Variants in PLA2R1 observed in about 807,000 individuals in gnomAD.
PLA2R1 encodes secretory phospholipase A2 receptor.
Under a neutral mutation model 195.9 loss-of-function variants are expected in PLA2R1, and 158 were observed. The ratio of observed to expected loss-of-function variants is 0.81; its 90% CI spans 0.71 to 0.92. The LOEUF is 0.92. Ranked by LOEUF, PLA2R1 falls within the 40% of genes least tolerant of loss-of-function variation. The pLI, the probability that PLA2R1 is intolerant of heterozygous loss-of-function variation, is 0.00. For missense variants in PLA2R1, 1,626 were observed against 1,764.6 expected, an observed-to-expected ratio of 0.92 and a Z score of 1.41; for synonymous variants, 586 against 598.2, an observed-to-expected ratio of 0.98 and a Z score of 0.30.
At chr2:159,995,989 C>T (rs1226410933) in intron 11 of PLA2R1, among the ~76,000 whole-genome samples, 1 of 152,048 alleles carries the variant, frequency 6.6e-6, no homozygotes, top group African/African-American at 2.4e-5. Flanking sequence ...AATCTATCAT[C>T]TATCTGTCAT....
intron 11 of PLA2R1, among the ~76,000 whole-genome samples, chr2:159,996,855 T>C (rs1691248029): frequency 6.6e-6 from 1 of 152,168 alleles, no homozygotes; most frequent in African/African-American, 2.4e-5. Flanking sequence ...TTATGGTGTT[T>C]TTGATCTGTA....
At chr2:160,007,483 A>G (rs1692074855) in intron 10 of PLA2R1, among the ~76,000 whole-genome samples, 1 of 152,238 alleles carries the variant, frequency 6.6e-6, no homozygotes, top group South Asian at 2.1e-4. Context: ...AAGACAGACA[A>G]GCGGCTGGAC....
intron 10 of PLA2R1, among the ~76,000 whole-genome samples, chr2:160,007,382 T>C (rs1692066782): frequency 6.6e-6 from 1 of 152,098 alleles, no homozygotes; most frequent in Admixed American, 6.5e-5. Flanking sequence ...AGCATTTCTG[T>C]TTTCATGCCC....
chr2:159,925,500 A>C, the PLA2R1 span, among the ~76,000 whole-genome samples: 2 of 151,910 alleles, frequency 1.3e-5, no homozygotes, highest in African/African-American at 2.4e-5. Flanking sequence ...TGTTCCCTTG[A>C]ACATTTTTGT....
intron 10 of PLA2R1, among the ~76,000 whole-genome samples, chr2:160,010,148 A>C (rs1692268390): frequency 6.6e-6 from 1 of 152,164 alleles, no homozygotes; most frequent in African/African-American, 2.4e-5. Context: ...GGAGAAAATG[A>C]GATATTGCAG....
At chr2:160,013,230 C>T (rs759149907) in intron 10 of PLA2R1, 33 bp downstream of exon 10, 16 of 1,041,276 alleles carry the variant, frequency 1.5e-5, no homozygotes, top group Middle Eastern at 2.0e-4. Context: ...ATGTGAAAGC[C>T]GTCTTGTTTC....
chr2:159,963,915 GACTT>G (rs1171909221), intron 20 of PLA2R1, among the ~76,000 whole-genome samples: 1 of 152,054 alleles, frequency 6.6e-6, no homozygotes, highest in Non-Finnish European at 1.5e-5. Flanking sequence ...CTCAAACAGA[GACTT>G]ACACACCAAT....
chr2:159,994,607 G>A (rs1311848699), intron 11 of PLA2R1, among the ~76,000 whole-genome samples: 1 of 152,002 alleles, frequency 6.6e-6, no homozygotes, highest in Non-Finnish European at 1.5e-5. Context: ...AATGTTTATG[G>A]ATGAAACAAT....
chr2:159,947,227 A>G (rs1385253844), intron 26 of PLA2R1, among the ~76,000 whole-genome samples, 192 bp downstream of exon 26: 3 of 152,224 alleles, frequency 2.0e-5, no homozygotes, highest in African/African-American at 7.2e-5. Flanking sequence ...TCCAAATTCT[A>G]CACTGGACAT....
intron 1 of PLA2R1, among the ~76,000 whole-genome samples, chr2:160,049,714 T>G (rs1421613560): frequency 6.6e-6 from 1 of 152,090 alleles, no homozygotes; most frequent in African/African-American, 2.4e-5. Flanking sequence ...TATTCCCAGC[T>G]ACTCGGGAAG....
intron 11 of PLA2R1, among the ~76,000 whole-genome samples, chr2:159,989,264 T>C (rs1246370536): frequency 1.3e-5 from 2 of 152,160 alleles, no homozygotes; most frequent in African/African-American, 4.8e-5. Flanking sequence ...GCCTGTTGAA[T>C]AATTTCAGAA....
chr2:160,032,383 G>A (rs970111371), intron 4 of PLA2R1, among the ~76,000 whole-genome samples: 2 of 152,160 alleles, frequency 1.3e-5, no homozygotes, highest in Admixed American at 6.5e-5. Context: ...AATCTATAAA[G>A]AAGAAGTAAG....
chr2:159,961,283 G>A (rs1688420432), intron 20 of PLA2R1, among the ~76,000 whole-genome samples: 1 of 152,138 alleles, frequency 6.6e-6, no homozygotes, highest in East Asian at 1.9e-4. Context: ...CTGCTGTGAT[G>A]ATATCCTTTG....
At chr2:159,959,019 A>G (rs1346559844) in intron 20 of PLA2R1, among the ~76,000 whole-genome samples, 1 of 152,254 alleles carries the variant, frequency 6.6e-6, no homozygotes, top group Non-Finnish European at 1.5e-5. Flanking sequence ...GCCAACTAAG[A>G]GAGAAAATAC....
rs144907000 is a variant in PLA2R1, at chr2:160,024,979, G to A, written c.1100-2120C>T. On this transcript the variant is annotated intron_variant, in intron 6 of 29. Coordinates refer to ENST00000283243, the MANE Select transcript of PLA2R1 (RefSeq NM_007366.5). ...GCTGTGTCCCACCACCCCAGGGTCC[G>A]GAGTCACCACTGCCTGGTGCTTCAT... is the stretch of plus-strand genomic sequence containing the variant. Among the ~76,000 whole-genome samples, 1,245 of 152,180 alleles carry A rather than the reference G, an allele frequency of 8.2e-3. 32 individuals carry two copies. The highest frequency in any genetic ancestry group is 0.043 in the Admixed American group (652 of 15,286).
rs199979054 is a variant in PLA2R1, at chr2:159,967,627, C to T, written c.2816G>A (p.Arg939Gln). The change falls in exon 20 of 30, where the codon CGA becomes CAA. Residue 939 changes from arginine to glutamine, a missense_variant. Coordinates refer to ENST00000283243, the MANE Select transcript of PLA2R1 (RefSeq NM_007366.5). The part of the protein sequence containing the change: ...CSVSMPSICK[R>Q]KKVWLIEKKK... ...TTTCTCTATGAGCCAAACCTTTTTTCGCTTACAGATACTAGGCATAGAAAC... is the reference window on the plus strand; with the variant it reads ...TTTCTCTATGAGCCAAACCTTTTTTTGCTTACAGATACTAGGCATAGAAAC... 51 of 1,613,372 alleles carry T rather than the reference C, an allele frequency of 3.2e-5. No individual in the cohort carries two copies. The highest frequency in any genetic ancestry group is 8.3e-5 in the Admixed American group (5 of 59,984).
At chr2:160,013,727 G>C (rs1373881140) in intron 9 of PLA2R1, among the ~76,000 whole-genome samples, 3 of 135,548 alleles carry the variant, frequency 2.2e-5, no homozygotes, top group African/African-American at 8.3e-5. Flanking sequence ...CTCTCTGTGT[G>C]TGTGTGTGTG....
rs778189400 is a variant in PLA2R1 at position 160,045,120 on chromosome 2, C to T, written c.147G>A (p.Lys49=). Residue 49 remains lysine, a synonymous_variant, in exon 2 of 30, where the codon AAG becomes AAA. Coordinates refer to ENST00000283243, the MANE Select transcript of PLA2R1 (RefSeq NM_007366.5). The part of the protein sequence containing the change: ...GIFVIQSESL[K]KCIQAGKSVL... ...CCGATTTACCTGCTTGAATGCATTT[C>T]TTGAGACTCTCACTTTGGATAACAA... 4.4e-6 allele frequency: 7 copies of T among 1,608,102 alleles called. No homozygotes were observed. The South Asian group carries it at 7.7e-5, about 18-fold the overall frequency.
chr2:160,006,226 G>A (rs549653160), intron 10 of PLA2R1, among the ~76,000 whole-genome samples: 1 of 152,164 alleles, frequency 6.6e-6, no homozygotes, highest in African/African-American at 2.4e-5. Context: ...CAGGAGGGAG[G>A]AGGAAAGATA....
Sources: gnomAD v4.1 joint callset for allele counts (sites outside exome capture counted in the v4.1 genomes callset) on GRCh38, gnomAD v4.1.1 for gene constraint, MANE v1.5 for transcripts, NCBI Gene and HGNC (gene_info 2026-07-23, HGNC 2026-07-21) for gene names.